The following FBXW12 variants were observed in gnomAD, a reference collection of about 807,000 sequenced individuals.
FBXW12 encodes F-box/WD repeat-containing protein 12.
A neutral mutation model predicts 55.3 loss-of-function variants in FBXW12; 43 were observed. That is an observed-to-expected ratio of 0.78 (90% CI 0.61 to 1.00). FBXW12 has a LOEUF of 1.00. Among genes scored for constraint, FBXW12 ranks in the 50% least tolerant of loss-of-function variants. The pLI, the probability that FBXW12 is intolerant of heterozygous loss-of-function variation, is 0.00. For synonymous variants in FBXW12, 184 were observed against 203.8 expected (o/e 0.90, Z 0.83); for missense variants, 524 against 560.5 (o/e 0.93, Z 0.66).
At chr3:48,389,290 C>T (rs542689112) in intron 10 of FBXW12, among the ~76,000 whole-genome samples, 2 of 152,092 alleles carry the variant, frequency 1.3e-5, no homozygotes, top group Admixed American at 6.6e-5. Flanking sequence ...AGGCCTTTGT[C>T]AGATGCTTGA....
At position 48,380,896 on chromosome 3, in the gene FBXW12, CCAAA is replaced by C. The variant is rs774760016; in HGVS notation, c.972_975del (p.Thr325SerfsTer16). ...ATCTAACAACCAAGAAGACTGGAGG[CCAAA>C]CAGTCATCCAAGGTAGGCTGTGCCA... On this transcript the variant is annotated frameshift_variant, in exon 8 of 11. Transcript: ENST00000296438. LOFTEE classifies it high-confidence loss of function. 4.5e-5 allele frequency: 73 copies of C among 1,613,904 alleles called. No homozygotes were observed. Among genetic ancestry groups the C allele is most frequent in the South Asian group, 8.8e-5 (8 of 91,084 alleles).
intron 8 of FBXW12, among the ~76,000 whole-genome samples, 155 bp from the exon 9 acceptor site, chr3:48,381,545 C>T (rs530504631): frequency 6.6e-6 from 1 of 152,260 alleles, no homozygotes; most frequent in Admixed American, 6.5e-5. Context: ...ATTTGTCAGG[C>T]CACTGGACTA....
intron 7 of FBXW12, among the ~76,000 whole-genome samples, 175 bp from the exon 8 acceptor site, chr3:48,380,527 C>T (rs1048141867): frequency 3.3e-5 from 5 of 152,226 alleles, no homozygotes; most frequent in Admixed American, 3.3e-4. Flanking sequence ...AATAGGAAGA[C>T]AGTGAGTTCC....
chr3:48,378,495 C>T lies in FBXW12; in HGVS notation c.584C>T (p.Ala195Val). 6.2e-7 allele frequency: 1 copy of T among 1,614,020 alleles called. No individual in the cohort carries two copies. The highest frequency in any genetic ancestry group is 8.5e-7 in the Non-Finnish European group (1 of 1,180,004). Residue 195 changes from alanine to valine, a missense_variant, in exon 6 of 11, where the codon GCC (alanine) becomes GTC (valine). By Grantham distance (64) the Ala-to-Val change is moderately conservative. Transcript: ENST00000296438. ...PMPQPCYCMEAYLTKDGPFLM... is the reference protein window; with the variant it reads ...PMPQPCYCMEVYLTKDGPFLM... Reference sequence around the variant, plus strand: ...CCACAGCCCTGTTATTGCATGGAAGCCTATCTTACAAAGGATGGCCCATTC... The same window carrying T: ...CCACAGCCCTGTTATTGCATGGAAGTCTATCTTACAAAGGATGGCCCATTC...
At chr3:48,389,133 G>A (rs2036885461) in intron 10 of FBXW12, among the ~76,000 whole-genome samples, 1 of 152,094 alleles carries the variant, frequency 6.6e-6, no homozygotes, top group African/African-American at 2.4e-5. Context: ...GCTCATCCCT[G>A]TAATCCCACC....
At chr3:48,373,482 T>C in intron 3 of FBXW12, 66 bp from the exon 4 acceptor site, 1 of 1,603,154 alleles carries the variant, frequency 6.2e-7, no homozygotes, top group South Asian at 1.1e-5. Context: ...GGTTGTGATA[T>C]AACCGGGGCT....
At chr3:48,375,234 C>T (rs1271839864) in intron 4 of FBXW12, 120 bp from the exon 5 acceptor site, 1 of 687,298 alleles carries the variant, frequency 1.5e-6, no homozygotes, top group East Asian at 2.8e-5. Context: ...CAATTTCTAT[C>T]TTCTCCATAT....
intron 5 of FBXW12, among the ~76,000 whole-genome samples, chr3:48,375,860 A>G (rs562205173): frequency 3.3e-5 from 5 of 151,738 alleles, no homozygotes; most frequent in Non-Finnish European, 7.4e-5. Context: ...TATTTTTAGT[A>G]CAGACAGGGT....
intron 10 of FBXW12, among the ~76,000 whole-genome samples, chr3:48,390,656 C>T (rs563784619): frequency 7.9e-5 from 12 of 151,908 alleles, no homozygotes; most frequent in East Asian, 5.8e-4. Context: ...TCAAGTGATC[C>T]GCCTGCCTCA....
chr3:48,372,412 T>C, intron 1 of FBXW12, 92 bp downstream of exon 1: 7 of 1,436,434 alleles, frequency 4.9e-6, no homozygotes, highest in Non-Finnish European at 6.7e-6. Flanking sequence ...TCAAAGTGAG[T>C]GCACTCGGTG....
At position 48,381,974 on chromosome 3, in the gene FBXW12, C is replaced by T; in HGVS notation, c.1184C>T (p.Thr395Ile). 6.2e-7 allele frequency: 1 copy of T among 1,614,178 alleles called. No homozygotes were observed. The highest frequency in any genetic ancestry group is 1.3e-5 in the African/African-American group (1 of 75,034). Residue 395 changes from threonine to isoleucine, a missense_variant, in exon 10 of 11, where the codon ACC (threonine) becomes ATC (isoleucine). By Grantham distance (89) the Thr-to-Ile change is moderately conservative. Coordinates refer to ENST00000296438, the MANE Select transcript of FBXW12 (RefSeq NM_207102.2). ...NFWVDPCYVL[T>I]TSENSVHVYM... The stretch of plus-strand genomic sequence containing the variant: ...TGGAAGGATCCTTGCTATGTGCTCA[C>T]CACATCCGAGAACTCTGTGCACGTG...
chr3:48,375,913 G>C (rs1404190863), intron 5 of FBXW12, among the ~76,000 whole-genome samples: 1 of 149,090 alleles, frequency 6.7e-6, no homozygotes, highest in African/African-American at 2.5e-5. Context: ...CTGACCTTGT[G>C]ATCCGCCTAC....
At chr3:48,384,014 C>T (rs1249113808) in intron 10 of FBXW12, among the ~76,000 whole-genome samples, 1 of 152,124 alleles carries the variant, frequency 6.6e-6, no homozygotes, top group African/African-American at 2.4e-5. Context: ...TGTTCTTTTA[C>T]AAAATTATTC....
chr3:48,378,176 G>C (rs114165731), intron 5 of FBXW12, 141 bp from the exon 6 acceptor site: 348 of 647,790 alleles, frequency 5.4e-4, no homozygotes, highest in Non-Finnish European at 7.4e-4. Flanking sequence ...AAAATATTGA[G>C]ATGTGGAGAA....
At chr3:48,384,179 C>A (rs1198332362) in intron 10 of FBXW12, among the ~76,000 whole-genome samples, 2 of 152,108 alleles carry the variant, frequency 1.3e-5, no homozygotes, top group Non-Finnish European at 2.9e-5. Flanking sequence ...AGTACATGAA[C>A]CTGAATGTCT....
intron 10 of FBXW12, among the ~76,000 whole-genome samples, chr3:48,392,450 CAAAAAAAAAAAAA>C (rs33965777): frequency 1.4e-5 from 1 of 72,678 alleles, no homozygotes; most frequent in African/African-American, 5.5e-5. Context: ...CACTCAGTCT[CAAAAAAAAAAAAA>C]AAAAAAAAAA....
rs1425405461 is a variant in FBXW12, at chr3:48,372,334, C to A, written c.-85+14C>A. ...CAAGATCCCAAGGTAGGCACAGACA[C>A]AGGGCAAGCAGACTCCAATTCCAGG... On this transcript the variant is annotated intron_variant, in intron 1 of 10. Coordinates refer to ENST00000296438, the MANE Select transcript of FBXW12 (RefSeq NM_207102.2). The A allele has an allele frequency of 1.3e-6, 2 of 1,552,114 alleles. No homozygotes were observed. The highest frequency in any genetic ancestry group is 2.4e-5 in the South Asian group (2 of 84,060).
chr3:48,373,703 T>C lies in FBXW12; in HGVS notation c.284T>C (p.Ile95Thr). The C allele has an allele frequency of 1.2e-6, 2 of 1,613,432 alleles. No homozygotes were observed. Among genetic ancestry groups the C allele is most frequent in the South Asian group, 1.1e-5 (1 of 91,036 alleles). The part of the protein sequence containing the change: ...HNFIYKVTKN[I>T]AFETELAYLS... ...TTTATCTACAAAGTAACTAAGAACA[T>C]CGGTATGGGTATAGGTGCCCTAGAG... The change falls in exon 4 of 11, where the codon ATC becomes ACC. Residue 95 changes from isoleucine (I) to threonine (T), a missense_variant and splice_region_variant. By Grantham distance (89) the Ile-to-Thr change is moderately conservative (BLOSUM62 -1). Coordinates refer to ENST00000296438, the MANE Select transcript of FBXW12 (RefSeq NM_207102.2).
In FBXW12 at chr3:48,379,545, G is replaced by A. The variant is rs137962592; in HGVS notation, c.761G>A (p.Arg254His). The A allele has an allele frequency of 3.7e-6, 6 of 1,613,760 alleles. No individual in the cohort carries two copies. The highest frequency in any genetic ancestry group is 2.2e-5 in the South Asian group (2 of 91,066). The change falls in exon 7 of 11, where the codon CGT (arginine) becomes CAT (histidine). Residue 254 changes from arginine to histidine, a missense_variant. By Grantham distance (29) the Arg-to-His change is conservative. Coordinates refer to ENST00000296438, the MANE Select transcript of FBXW12 (RefSeq NM_207102.2). ...GTATTTGCATGTGGGACATACAGTC[G>A]TACCTTGCCACAGGTAGGTGCTGTT... is the stretch of plus-strand genomic sequence containing the variant. ...KWVFACGTYSRTLPQVFLTES... is the reference protein window; with the variant it reads ...KWVFACGTYSHTLPQVFLTES...
Sources: gnomAD v4.1 joint callset for allele counts (sites outside exome capture counted in the v4.1 genomes callset) on GRCh38, gnomAD v4.1.1 for gene constraint, MANE v1.5 for transcripts, NCBI Gene and HGNC (gene_info 2026-07-23, HGNC 2026-07-21) for gene names.